The following MCTP1 variants were observed in gnomAD, a reference collection of about 807,000 sequenced individuals.
The protein encoded by MCTP1 is multiple C2 and transmembrane domain containing 1.
MCTP1 carries 69 observed loss-of-function variants against 120.6 expected under a neutral mutation model. The observed-to-expected ratio is 0.57, with a 90% CI of 0.47 to 0.70. The LOEUF is 0.70. MCTP1 is among the 30% of genes least tolerant of loss of function. The probability of loss-of-function intolerance (pLI) is 0.00; values close to 1 mark genes in which losing one functional copy is unlikely to be tolerated. For missense variants in MCTP1, 1,203 were observed against 1,248.8 expected (o/e 0.96, Z 0.55); for synonymous variants, 529 against 493.1 (o/e 1.07, Z -0.96).
intron 1 of MCTP1, among the ~76,000 whole-genome samples, chr5:95,279,737 G>A (rs977492873): frequency 2.6e-5 from 4 of 152,112 alleles, no homozygotes; most frequent in Non-Finnish European, 5.9e-5. Context: ...AAGGTTAAAG[G>A]GAAATATGTC....
chr5:94,938,420 A>G (rs1816732147), intron 5 of MCTP1, among the ~76,000 whole-genome samples: 2 of 151,946 alleles, frequency 1.3e-5, no homozygotes, highest in African/African-American at 4.8e-5. Context: ...CTCTTGTCAC[A>G]TGGCCTTTGT....
chr5:94,710,879 G>T lies in MCTP1; in HGVS notation c.2769C>A (p.Ala923=), dbSNP rs141755264. Residue 923 remains alanine, a synonymous_variant, in exon 21 of 23, where the codon GCC becomes GCA. Coordinates refer to ENST00000515393, the MANE Select transcript of MCTP1 (RefSeq NM_024717.7). ...VPFLSWLAIV[A]LCVFTAILYC... is the part of the protein sequence containing the mutation. ...ACAGGATGGCTGTGAACACACAGAG[G>T]GCTACAATGGCCAGCCAGCTTAAGA... 1.2e-6 allele frequency: 2 copies of T among 1,612,900 alleles called. No individual in the cohort carries two copies. Among genetic ancestry groups the T allele is most frequent in the African/African-American group, 2.7e-5 (2 of 74,812 alleles).
intron 1 of MCTP1, among the ~76,000 whole-genome samples, chr5:95,056,942 A>G (rs1277129775): frequency 6.6e-6 from 1 of 152,194 alleles, no homozygotes; most frequent in Non-Finnish European, 1.5e-5. Context: ...TATGAAAAGA[A>G]AGTTAGAGAA....
chr5:94,902,933 T>C (rs1456983120), intron 10 of MCTP1, among the ~76,000 whole-genome samples: 1 of 152,198 alleles, frequency 6.6e-6, no homozygotes, highest in African/African-American at 2.4e-5. Flanking sequence ...TTTGAGAACT[T>C]TGCCAATTAT....
chr5:94,834,711 A>G (rs1789303496), intron 17 of MCTP1, among the ~76,000 whole-genome samples: 1 of 151,936 alleles, frequency 6.6e-6, no homozygotes, highest in African/African-American at 2.4e-5. Context: ...ATCTGGACAG[A>G]GTGTGGAGGG....
chr5:94,854,524 C>T (rs1409371308), intron 17 of MCTP1, among the ~76,000 whole-genome samples: 1 of 151,820 alleles, frequency 6.6e-6, no homozygotes, highest in Non-Finnish European at 1.5e-5. Flanking sequence ...TGTTTGATTA[C>T]CTAGTCTGGT....
rs149483344 is a variant in MCTP1, at chr5:95,248,061, A to G, written c.720+35795T>C. ...GCTATTTATGACAAAACTACAGCCA[A>G]TATTATACTGAATGGGCAAAAGCTG... On this transcript the variant is annotated intron_variant, in intron 1 of 22. Coordinates refer to ENST00000515393, the MANE Select transcript of MCTP1 (RefSeq NM_024717.7). Among the ~76,000 whole-genome samples the G allele has an allele frequency of 7.2e-3, 1,102 of 152,312 alleles. 12 individuals are homozygous for G. The highest frequency in any genetic ancestry group is 0.03 in the South Asian group (146 of 4,830).
intron 3 of MCTP1, among the ~76,000 whole-genome samples, chr5:94,944,076 A>T (rs2093493937): frequency 6.6e-6 from 1 of 152,008 alleles, no homozygotes; most frequent in Non-Finnish European, 1.5e-5. Flanking sequence ...TTACAGGTGT[A>T]CTTCAATTTA....
intron 8 of MCTP1, among the ~76,000 whole-genome samples, chr5:94,917,093 C>T (rs1810273354): frequency 6.6e-6 from 1 of 152,150 alleles, no homozygotes; most frequent in African/African-American, 2.4e-5. Context: ...TTATGAAAAG[C>T]TGTGCTTCTT....
At chr5:94,728,058 C>A (rs1698791311) in intron 19 of MCTP1, among the ~76,000 whole-genome samples, 1 of 152,198 alleles carries the variant, frequency 6.6e-6, no homozygotes, top group Non-Finnish European at 1.5e-5. Flanking sequence ...GGCCTGTCCC[C>A]TAAACCCCTT....
chr5:95,175,480 C>T (rs71646189), intron 1 of MCTP1, among the ~76,000 whole-genome samples: 10,804 of 152,214 alleles, frequency 0.071, 588 homozygotes, highest in East Asian at 0.25. Flanking sequence ...GCTATCTTCT[C>T]AGCTGAGGAA....
At chr5:94,870,280 G>T (rs1034150112) in intron 16 of MCTP1, 137 bp downstream of exon 16, 25 of 583,424 alleles carry the variant, frequency 4.3e-5, no homozygotes, top group Admixed American at 6.2e-5. Context: ...GAAAGAAAGC[G>T]CCATTTTCAA....
chr5:94,714,759 C>T lies in MCTP1; in HGVS notation c.2720+18G>A, dbSNP rs762653615. 7.1e-7 allele frequency: 1 copy of T among 1,404,882 alleles called. No individual in the cohort carries two copies. Among genetic ancestry groups the T allele is most frequent in the East Asian group, 2.3e-5 (1 of 43,900 alleles). The allele number at this position is 1,404,882 out of a possible 1,614,324, so 87.0% of individuals were successfully genotyped here. Reference sequence around the variant, plus strand: ...TTATCCCACAGAAGAATGGGGCTCACAGGTCACCGTCACTCACTTCTTTAT... The same window carrying T: ...TTATCCCACAGAAGAATGGGGCTCATAGGTCACCGTCACTCACTTCTTTAT... On this transcript the variant is annotated intron_variant, in intron 20 of 22. Coordinates refer to ENST00000515393, the MANE Select transcript of MCTP1 (RefSeq NM_024717.7).
At chr5:94,918,831 C>T (rs1810814750) in intron 7 of MCTP1, among the ~76,000 whole-genome samples, 3 of 152,130 alleles carry the variant, frequency 2.0e-5, no homozygotes, top group African/African-American at 7.2e-5. Flanking sequence ...TGTTTTCGCA[C>T]TCCAGTGTTT....
At chr5:94,883,254 C>A (rs1350113946) in intron 12 of MCTP1, among the ~76,000 whole-genome samples, 1 of 152,010 alleles carries the variant, frequency 6.6e-6, no homozygotes, top group Non-Finnish European at 1.5e-5. Context: ...ATAAGAACAG[C>A]AGGTGTTGTA....
At chr5:94,832,609 A>AACACACACACACAC (rs59233492) in intron 17 of MCTP1, among the ~76,000 whole-genome samples, 1 of 147,124 alleles carries the variant, frequency 6.8e-6, no homozygotes, top group African/African-American at 2.5e-5. Context: ...GGGCTAGCTG[A>AACACACACACACAC]ACACACACAC....
chr5:94,767,039 TAAATCCAAC>T (rs1186157756), intron 19 of MCTP1, among the ~76,000 whole-genome samples: 1 of 152,160 alleles, frequency 6.6e-6, no homozygotes, highest in African/African-American at 2.4e-5. Flanking sequence ...ACTAGCCAAC[TAAATCCAAC>T]AGTACATCAA....
chr5:95,195,356 A>G (rs865876827), intron 1 of MCTP1, among the ~76,000 whole-genome samples: 1 of 152,182 alleles, frequency 6.6e-6, no homozygotes, highest in East Asian at 1.9e-4. Context: ...GTAAAAGTTC[A>G]CTGTTCAAAA....
intron 10 of MCTP1, among the ~76,000 whole-genome samples, chr5:94,899,070 G>GCATCT (rs1293072477): frequency 2.0e-5 from 3 of 152,164 alleles, no homozygotes; most frequent in Non-Finnish European, 2.9e-5. Flanking sequence ...GTGTAAGAAG[G>GCATCT]CATCTCATCT....
Sources: gnomAD v4.1 joint callset for allele counts (sites outside exome capture counted in the v4.1 genomes callset) on GRCh38, gnomAD v4.1.1 for gene constraint, MANE v1.5 for transcripts, NCBI Gene and HGNC (gene_info 2026-07-23, HGNC 2026-07-21) for gene names.